Variants in TUSC3 observed in about 807,000 individuals in gnomAD.
The protein encoded by TUSC3 is dolichyl-diphosphooligosaccharide--protein glycosyltransferase subunit TUSC3.
A neutral mutation model predicts 44.8 loss-of-function variants in TUSC3; 45 were observed. That is an observed-to-expected ratio of 1.00 (90% CI 0.79 to 1.29). TUSC3 has a LOEUF of 1.29. Ranked by LOEUF, TUSC3 falls within the 50% of genes most tolerant of loss-of-function variation. TUSC3 has a pLI of 0.00. For missense variants in TUSC3, 519 were observed against 437.9 expected (o/e 1.19, Z -1.65); for synonymous variants, 212 against 152.9 (o/e 1.39, Z -2.85).
chr8:15,673,336 C>G (rs534766023), intron 5 of TUSC3, among the ~76,000 whole-genome samples: 3 of 152,046 alleles, frequency 2.0e-5, no homozygotes, highest in African/African-American at 7.2e-5. Flanking sequence ...TTTTGGTTAT[C>G]CAAACTAATA....
chr8:15,797,849 G>C, the TUSC3 span, among the ~76,000 whole-genome samples: 4 of 152,180 alleles, frequency 2.6e-5, no homozygotes, highest in Non-Finnish European at 5.9e-5. Context: ...CGGCTGACGT[G>C]TTGGGAGCAA....
intron 1 of TUSC3, among the ~76,000 whole-genome samples, chr8:15,571,350 CA>C (rs1802870512): frequency 6.6e-6 from 1 of 152,040 alleles, no homozygotes; most frequent in Non-Finnish European, 1.5e-5. Flanking sequence ...TATAATAAAG[CA>C]AATATTACAA....
chr8:15,740,574 A>G (rs935385403), intron 7 of TUSC3, among the ~76,000 whole-genome samples: 3 of 152,040 alleles, frequency 2.0e-5, no homozygotes, highest in African/African-American at 7.2e-5. Context: ...AGGAATGAAC[A>G]TATCAAAAGA....
the TUSC3 span, among the ~76,000 whole-genome samples, chr8:15,786,300 ATAT>A: frequency 6.6e-6 from 1 of 152,218 alleles, no homozygotes; most frequent in Non-Finnish European, 1.5e-5. Flanking sequence ...AAGTTATTAA[ATAT>A]TATCCTGAAA....
intron 2 of TUSC3, among the ~76,000 whole-genome samples, chr8:15,531,022 G>T (rs1171060482): frequency 6.6e-6 from 1 of 152,108 alleles, no homozygotes; most frequent in African/African-American, 2.4e-5. Context: ...CCTCAGGTCC[G>T]CATGTGTATA....
intron 3 of TUSC3, among the ~76,000 whole-genome samples, chr8:15,657,386 A>G (rs1245322932): frequency 6.6e-6 from 1 of 152,134 alleles, no homozygotes; most frequent in East Asian, 1.9e-4. Context: ...ATCCTCGTTG[A>G]TTGCTTTTAA....
chr8:15,718,205 A>G (rs893159763), intron 6 of TUSC3, among the ~76,000 whole-genome samples: 2 of 152,116 alleles, frequency 1.3e-5, no homozygotes, highest in Admixed American at 6.6e-5. Flanking sequence ...AAGATTAGTG[A>G]TAATCCAAGC....
At chr8:15,789,187 G>C in the TUSC3 span, among the ~76,000 whole-genome samples, 4 of 152,126 alleles carry the variant, frequency 2.6e-5, no homozygotes, top group Non-Finnish European at 4.4e-5. Flanking sequence ...ACCTGCCACA[G>C]TGCATTCCAC....
At chr8:15,512,040 G>C (rs1801143552) in intron 2 of TUSC3, among the ~76,000 whole-genome samples, 1 of 152,142 alleles carries the variant, frequency 6.6e-6, no homozygotes, top group Non-Finnish European at 1.5e-5. Flanking sequence ...GAAATGCAAA[G>C]AACCTAGAAG....
chr8:15,544,626 C>T (rs937181688), intron 1 of TUSC3, among the ~76,000 whole-genome samples: 2 of 151,606 alleles, frequency 1.3e-5, no homozygotes, highest in Admixed American at 6.6e-5. Flanking sequence ...AGTTAGTTTT[C>T]GTGGCACAGC....
chr8:15,610,281 A>C (rs1488997187), intron 1 of TUSC3, among the ~76,000 whole-genome samples: 1 of 152,178 alleles, frequency 6.6e-6, no homozygotes, highest in Non-Finnish European at 1.5e-5. Flanking sequence ...AAAATATTTC[A>C]GTATACTGCA....
At chr8:15,478,875 A>G (rs569559993) in intron 1 of TUSC3, among the ~76,000 whole-genome samples, 1 of 152,302 alleles carries the variant, frequency 6.6e-6, no homozygotes, top group African/African-American at 2.4e-5. Flanking sequence ...CCACAGTGGT[A>G]GAACTAATTT....
At chr8:15,534,168 G>A (rs1801490011) in intron 2 of TUSC3, among the ~76,000 whole-genome samples, 1 of 152,028 alleles carries the variant, frequency 6.6e-6, no homozygotes, top group Admixed American at 6.6e-5. Context: ...TCCATTCACA[G>A]CCTTATTACT....
chr8:15,763,299 C>A (rs1013452394), intron 10 of TUSC3, among the ~76,000 whole-genome samples: 2 of 151,574 alleles, frequency 1.3e-5, no homozygotes, highest in East Asian at 3.9e-4. Flanking sequence ...TTCAGAAAGA[C>A]GAAACAATTT....
At chr8:15,609,940 T>G (rs1804691473) in intron 1 of TUSC3, among the ~76,000 whole-genome samples, 1 of 152,128 alleles carries the variant, frequency 6.6e-6, no homozygotes, top group African/African-American at 2.4e-5. Context: ...TGTTATGATA[T>G]AATTTTCTTA....
chr8:15,760,481 C>T (rs1033853290), intron 10 of TUSC3, among the ~76,000 whole-genome samples: 2 of 152,104 alleles, frequency 1.3e-5, no homozygotes, highest in African/African-American at 2.4e-5. Flanking sequence ...GTGTATCTTT[C>T]AGTACACCCT....
At chr8:15,649,590 A>G (rs1806794338) in intron 2 of TUSC3, among the ~76,000 whole-genome samples, 1 of 64,672 alleles carries the variant, frequency 1.5e-5, no homozygotes, top group African/African-American at 4.8e-5. Flanking sequence ...TCTCAAAAGA[A>G]AAAAAAAAAA....
intron 1 of TUSC3, among the ~76,000 whole-genome samples, chr8:15,588,120 G>A (rs1303513130): frequency 6.6e-6 from 1 of 152,046 alleles, no homozygotes; most frequent in African/African-American, 2.4e-5. Context: ...TCTGTTTTTA[G>A]TTTTTTGAGG....
chr8:15,582,238 C>T (rs1294055230), intron 1 of TUSC3, among the ~76,000 whole-genome samples: 6 of 152,176 alleles, frequency 3.9e-5, no homozygotes, highest in Non-Finnish European at 7.3e-5. Flanking sequence ...AACCTGGTAC[C>T]TCAGATGGAA....
Sources: allele counts gnomAD v4.1 joint callset (sites outside exome capture counted in the v4.1 genomes callset), GRCh38; gene constraint gnomAD v4.1.1; transcripts MANE v1.5; gene names NCBI Gene and HGNC (gene_info 2026-07-23, HGNC 2026-07-21).